CSNK1G2: variants seen among roughly 807,000 people sequenced by gnomAD.
CSNK1G2 encodes casein kinase I isoform gamma-2.
A neutral mutation model predicts 48.0 loss-of-function variants in CSNK1G2; 11 were observed. That is an observed-to-expected ratio of 0.23 (90% CI 0.14 to 0.38). The LOEUF is 0.38. Ranked by LOEUF, CSNK1G2 falls within the 10% of genes least tolerant of loss-of-function variation. CSNK1G2 has a pLI of 1.00. For missense variants in CSNK1G2, 446 were observed against 595.5 expected, an observed-to-expected ratio of 0.75 and a Z score of 2.61; for synonymous variants, 337 against 254.1, an observed-to-expected ratio of 1.33 and a Z score of -3.10.
At chr19:1,962,159 G>C (rs921748172) in intron 1 of CSNK1G2, among the ~76,000 whole-genome samples, 3 of 151,984 alleles carry the variant, frequency 2.0e-5, no homozygotes, top group Admixed American at 6.6e-5. Flanking sequence ...GTGAAACCCC[G>C]TGTCTGCTAA....
chr19:1,956,119 C>A (rs1018426020), intron 1 of CSNK1G2, among the ~76,000 whole-genome samples: 3 of 152,126 alleles, frequency 2.0e-5, no homozygotes, highest in Non-Finnish European at 4.4e-5. Context: ...GCCGAGAGGC[C>A]CTGCGGGAGC....
chr19:1,958,291 G>T (rs1236022176), intron 1 of CSNK1G2, among the ~76,000 whole-genome samples: 3 of 152,114 alleles, frequency 2.0e-5, no homozygotes, highest in Non-Finnish European at 4.4e-5. Context: ...TCCTTTTTGG[G>T]CAGCGAGTGT....
chr19:1,950,262 C>G (rs1283332642), intron 1 of CSNK1G2, among the ~76,000 whole-genome samples: 1 of 151,944 alleles, frequency 6.6e-6, no homozygotes, highest in Non-Finnish European at 1.5e-5. Context: ...GCCTCAGCCT[C>G]CCGAGTAGCT....
intron 1 of CSNK1G2, among the ~76,000 whole-genome samples, chr19:1,943,257 C>A (rs1031701242): frequency 2.6e-5 from 4 of 152,134 alleles, no homozygotes; most frequent in African/African-American, 9.7e-5. Flanking sequence ...CTTCGGACTT[C>A]CTTGTGTGTC....
rs1314111706 is a variant in CSNK1G2, at chr19:1,941,210, G to C, written c.-474G>C. On this transcript the variant is annotated 5_prime_UTR_variant, in exon 1 of 12. Coordinates refer to ENST00000255641, the MANE Select transcript of CSNK1G2 (RefSeq NM_001319.7). ...GTAAGGCGCGCGGGCCCCGGAGCGG[G>C]CGCGGCGGAGCGCGGCGAGCCCGGC... 6.8e-6 allele frequency: 1 copy of C among 146,150 alleles called. No individual in the cohort carries two copies. Among genetic ancestry groups the C allele is most frequent in the African/African-American group, 2.5e-5 (1 of 40,660 alleles). 9.1% of individuals were successfully genotyped at this position (146,150 alleles called of 1,614,324 possible).
intron 1 of CSNK1G2, among the ~76,000 whole-genome samples, chr19:1,941,947 C>A (rs945691668): frequency 6.6e-6 from 1 of 152,032 alleles, no homozygotes; most frequent in Non-Finnish European, 1.5e-5. Flanking sequence ...TCCCGAGGCC[C>A]CTGCCCACCT....
intron 1 of CSNK1G2, among the ~76,000 whole-genome samples, chr19:1,949,891 C>T (rs1169064590): frequency 6.6e-6 from 1 of 152,196 alleles, no homozygotes; most frequent in East Asian, 1.9e-4. Context: ...CTGCATGTGC[C>T]CGGTGTCCCC....
At chr19:1,953,981 T>C (rs1568185541) in intron 1 of CSNK1G2, 1 of 534,012 alleles carries the variant, frequency 1.9e-6, no homozygotes, top group Non-Finnish European at 3.8e-6. Context: ...CTCGTGGTGA[T>C]GACAGTCGCC....
intron 1 of CSNK1G2, among the ~76,000 whole-genome samples, chr19:1,960,149 G>A (rs755072662): frequency 7.2e-5 from 11 of 152,204 alleles, no homozygotes; most frequent in East Asian, 1.9e-4. Context: ...GAATGTCTGC[G>A]TCAGCACAGG....
At position 1,978,812 on chromosome 19, in the gene CSNK1G2, CG is replaced by C. The variant is rs2015858507; in HGVS notation, c.448-46del. 1.9e-6 allele frequency: 3 copies of C among 1,585,040 alleles called. No individual in the cohort carries two copies. In the East Asian group the frequency reaches 6.8e-5, roughly 36 times the overall value. On this transcript the variant is annotated intron_variant, in intron 5 of 11. Transcript: ENST00000255641. The surrounding 1 kb of genome is among the most constrained non-coding windows in gnomAD (Gnocchi z 7.3). ...AAGAGGGTGGCCCTGGAGGGGAGCG[CG>C]TGGGACGGGGAGGGGCCCGGCCGAC...
In CSNK1G2 at chr19:1,950,685, T is replaced by C. The variant is rs1019349651; in HGVS notation, c.-266+9267T>C. 2.3e-4 allele frequency among the ~76,000 whole-genome samples: 33 copies of C among 145,210 alleles called. 1 individual carries two copies. The highest frequency in any genetic ancestry group is 3.3e-4 in the Non-Finnish European group (22 of 66,894). ...CTGGGCTGGCCCGGCCTAAATCTGCTGCCGCCCACCGAACACCAAGGCACC... is the reference window on the plus strand; with the variant it reads ...CTGGGCTGGCCCGGCCTAAATCTGCCGCCGCCCACCGAACACCAAGGCACC... On this transcript the variant is annotated intron_variant, in intron 1 of 11. Transcript: ENST00000255641.
In CSNK1G2 at chr19:1,959,559, G is replaced by A. The variant is rs186490995; in HGVS notation, c.-265-9949G>A. On this transcript the variant is annotated intron_variant, in intron 1 of 11. Coordinates refer to ENST00000255641, the MANE Select transcript of CSNK1G2 (RefSeq NM_001319.7). ...CCCCAGCACCTGTGCCACCTTTAGTGCCACCGTGGGTCCCCCAGCACCCGT... is the reference window on the plus strand; with the variant it reads ...CCCCAGCACCTGTGCCACCTTTAGTACCACCGTGGGTCCCCCAGCACCCGT... Among the ~76,000 whole-genome samples the A allele has an allele frequency of 7.8e-3, 913 of 117,088 alleles. 35 individuals carry two copies. Among genetic ancestry groups the A allele is most frequent in the African/African-American group, 0.031 (742 of 23,930 alleles). The allele number at this position is 117,088 out of a possible 152,430, so 76.8% of individuals were successfully genotyped here.
rs1000679642 is a variant in CSNK1G2, at chr19:1,964,522, G to T, written c.-265-4986G>T. On this transcript the variant is annotated intron_variant, in intron 1 of 11. Transcript: ENST00000255641. ...CACCCTCTTCACCCTCTTGTTAGGGGCTAACGCAGCTGGTGACTTGAAGGT... is the reference window on the plus strand; with the variant it reads ...CACCCTCTTCACCCTCTTGTTAGGGTCTAACGCAGCTGGTGACTTGAAGGT... 3.9e-5 allele frequency among the ~76,000 whole-genome samples: 6 copies of T among 152,192 alleles called. No individual in the cohort carries two copies. In the South Asian group the frequency reaches 1.2e-3, roughly 32 times the overall value.
intron 2 of CSNK1G2, chr19:1,976,078 C>G (rs905500039): frequency 3.1e-6 from 4 of 1,289,386 alleles, no homozygotes. Context: ...TAAAATGGAC[C>G]GGTGGATGGT....
intron 1 of CSNK1G2, among the ~76,000 whole-genome samples, chr19:1,947,845 C>T (rs1219355245): frequency 6.6e-6 from 1 of 152,202 alleles, no homozygotes; most frequent in Non-Finnish European, 1.5e-5. Flanking sequence ...CTGCCTGAGC[C>T]CTGGGTGGAC....
At position 1,976,880 on chromosome 19, in the gene CSNK1G2, C is replaced by T. The variant is rs1045628656; in HGVS notation, c.188-1425C>T. ...TCAGCCTCCCTGGTAGCTGGGATTA[C>T]AGGCATGCATCACCATGCCAGGCTA... On this transcript the variant is annotated intron_variant, in intron 2 of 11. Coordinates refer to ENST00000255641, the MANE Select transcript of CSNK1G2 (RefSeq NM_001319.7). Among the ~76,000 whole-genome samples the T allele has an allele frequency of 9.2e-5, 14 of 152,108 alleles. 1 individual carries two copies. Among genetic ancestry groups the T allele is most frequent in the Admixed American group, 7.2e-4 (11 of 15,256 alleles).
intron 1 of CSNK1G2, among the ~76,000 whole-genome samples, chr19:1,966,123 A>T (rs2015358402): frequency 6.6e-6 from 1 of 152,156 alleles, no homozygotes; most frequent in African/African-American, 2.4e-5. Context: ...TGAGAAATAC[A>T]TTTGTAAGGC....
chr19:1,960,813 C>T (rs140986541), intron 1 of CSNK1G2, among the ~76,000 whole-genome samples: 4 of 152,160 alleles, frequency 2.6e-5, no homozygotes, highest in Non-Finnish European at 5.9e-5. Flanking sequence ...CACTTGAACC[C>T]GGGAGGCGGA....
intron 2 of CSNK1G2, among the ~76,000 whole-genome samples, chr19:1,973,496 CACCAT>C (rs1266717533): frequency 6.6e-6 from 1 of 152,262 alleles, no homozygotes; most frequent in Admixed American, 6.5e-5. Context: ...AGGCGTGGGC[CACCAT>C]ACCCAGCCTT....
Sources: allele counts gnomAD v4.1 joint callset (sites outside exome capture counted in the v4.1 genomes callset), GRCh38; gene constraint gnomAD v4.1.1; non-coding constraint Gnocchi (gnomAD v3.1); transcripts MANE v1.5; gene names NCBI Gene and HGNC (gene_info 2026-07-23, HGNC 2026-07-21).